Variants in BICDL2 observed in about 807,000 individuals in gnomAD.
The protein encoded by BICDL2 is BICD family like cargo adaptor 2.
Under a neutral mutation model 56.6 loss-of-function variants are expected in BICDL2, and 62 were observed. The ratio of observed to expected loss-of-function variants is 1.10; its 90% confidence interval spans 0.89 to 1.35. The LOEUF (loss-of-function observed/expected upper bound fraction) is 1.35, where lower values mean the gene tolerates loss of function less well. Ranked by LOEUF, BICDL2 falls within the 40% of genes most tolerant of loss-of-function variation. The pLI is 0.00. For missense variants in BICDL2, 808 were observed against 684.5 expected (o/e 1.18, Z -2.01); for synonymous variants, 358 against 319.8 (o/e 1.12, Z -1.27).
chr16:3,028,756 T>C lies in BICDL2; in HGVS notation c.1182A>G (p.Glu394=), dbSNP rs1377174206. The change falls in exon 8 of 10, where the codon GAA becomes GAG. Residue 394 remains glutamate (E), a synonymous_variant. Coordinates refer to ENST00000572449, the MANE Select transcript of BICDL2 (RefSeq NM_001369667.1). The part of the protein sequence containing the change: ...LQRQKELRAQ[E]DPGEALHSAL... ...CACTGTGCAGGGCCTCCCCAGGGTC[T>C]TCCTGCGCCCGCAGCTCCTTCTGCC... is the stretch of plus-strand genomic sequence containing the variant. The C allele has an allele frequency of 3.2e-6, 5 of 1,561,820 alleles. No individual in the cohort carries two copies. The highest frequency in any genetic ancestry group is 4.3e-6 in the Non-Finnish European group (5 of 1,153,168).
chr16:3,028,916 A>T (rs1303988562), intron 7 of BICDL2, 86 bp from the exon 8 acceptor site: 1 of 1,454,126 alleles, frequency 6.9e-7, no homozygotes, highest in African/African-American at 1.4e-5. Flanking sequence ...GGCTCTCCCC[A>T]CCCCTCCTCT....
At chr16:3,033,821 A>G (rs571022563) in intron 2 of BICDL2, among the ~76,000 whole-genome samples, 1 of 152,120 alleles carries the variant, frequency 6.6e-6, no homozygotes, top group African/African-American at 2.4e-5. Context: ...AAAGAGTCCA[A>G]GGAGGTGCAC....
Position 3,029,706 on chromosome 16 carries a change from G to C in BICDL2, c.796C>G (p.Leu266Val). The C allele has an allele frequency of 6.5e-7, 1 of 1,541,136 alleles. No homozygotes were observed. The highest frequency in any genetic ancestry group is 8.7e-7 in the Non-Finnish European group (1 of 1,150,522). ...ERARSEAGEALSALRRLQRRV... is the reference protein window; with the variant it reads ...ERARSEAGEAVSALRRLQRRV... ...CGCTGCAGCCTCCGCAGCGCACTCAGCGCCTCCCCAGCCTCTGACCGTGCG... is the reference window on the plus strand; with the variant it reads ...CGCTGCAGCCTCCGCAGCGCACTCACCGCCTCCCCAGCCTCTGACCGTGCG... The change falls in exon 6 of 10, where the codon CTG (leucine) becomes GTG (valine). Residue 266 changes from leucine to valine, a missense_variant. By Grantham distance (32) the Leu-to-Val change is conservative (BLOSUM62 1). Coordinates refer to ENST00000572449, the MANE Select transcript of BICDL2 (RefSeq NM_001369667.1).
chr16:3,031,894 C>G (rs1005034868), intron 2 of BICDL2: 3 of 214,418 alleles, frequency 1.4e-5, no homozygotes, highest in African/African-American at 6.8e-5. Flanking sequence ...AGTGCCTTGC[C>G]TAAGGACACA....
Position 3,030,970 on chromosome 16 carries a change from C to T in BICDL2, c.463G>A (p.Glu155Lys), listed in dbSNP as rs567686249. ...ERARALSELS[E>K]QNLRLSQQLA... Reference sequence around the variant, plus strand: ...TGCTGGCTGAGCCGGAGGTTCTGCTCGCTGAGCTCGCTGAGGGCCCGTGCC... The same window carrying T: ...TGCTGGCTGAGCCGGAGGTTCTGCTTGCTGAGCTCGCTGAGGGCCCGTGCC... The change falls in exon 3 of 10, where the codon GAG becomes AAG. Residue 155 changes from glutamate (E) to lysine (K), a missense_variant. Glu to Lys is a moderately conservative substitution (Grantham distance 56). Coordinates refer to ENST00000572449, the MANE Select transcript of BICDL2 (RefSeq NM_001369667.1). The T allele has an allele frequency of 9.7e-6, 15 of 1,551,136 alleles. No individual in the cohort carries two copies. In the African/African-American group the frequency reaches 1.1e-4, roughly 11 times the overall value.
At chr16:3,034,591 G>A (rs1448593113) in intron 2 of BICDL2, among the ~76,000 whole-genome samples, 2 of 151,298 alleles carry the variant, frequency 1.3e-5, no homozygotes, top group African/African-American at 4.9e-5. Flanking sequence ...CTGAATCCAG[G>A]TCTTAATCCT....
At position 3,028,347 on chromosome 16, in the gene BICDL2, C is replaced by A; in HGVS notation, c.1359+1G>T. ...CCCCGCACACGGGCCCCGCCCCTCA[C>A]CTGCCAGGCCTCCAGCTCCTGCGTG... is the stretch of plus-strand genomic sequence containing the variant. On this transcript the variant is annotated splice_donor_variant, in intron 9 of 9. Coordinates refer to ENST00000572449, the MANE Select transcript of BICDL2 (RefSeq NM_001369667.1). LOFTEE classifies it high-confidence loss of function. 2 of 1,550,136 alleles carry A rather than the reference C, an allele frequency of 1.3e-6. No homozygotes were observed. Among genetic ancestry groups the A allele is most frequent in the South Asian group, 1.2e-5 (1 of 85,530 alleles).
rs1477799204 is a variant in BICDL2 at position 3,028,361 on chromosome 16, A to G, written c.1346T>C (p.Leu449Pro). 1.9e-6 allele frequency: 3 copies of G among 1,549,694 alleles called. No individual in the cohort carries two copies. Among genetic ancestry groups the G allele is most frequent in the Non-Finnish European group, 2.6e-6 (3 of 1,155,594 alleles). Reference protein sequence around the residue: ...IRQKVALTQELEAWQDDMQVV... With the variant: ...IRQKVALTQEPEAWQDDMQVV... ...CCCGCCCCTCACCTGCCAGGCCTCC[A>G]GCTCCTGCGTGAGCGCCACCTTCTG... Residue 449 changes from leucine (L) to proline (P), a missense_variant, in exon 9 of 10, where the codon CTG becomes CCG. Coordinates refer to ENST00000572449, the MANE Select transcript of BICDL2 (RefSeq NM_001369667.1).
At chr16:3,031,974 C>T (rs1363037349) in intron 2 of BICDL2, 1 of 152,600 alleles carries the variant, frequency 6.6e-6, no homozygotes, top group Non-Finnish European at 1.5e-5. Flanking sequence ...CTCTTTGGCC[C>T]AGGCTAGAGC....
intron 6 of BICDL2, 44 bp downstream of exon 6, chr16:3,029,501 C>G: frequency 2.5e-6 from 4 of 1,569,018 alleles, no homozygotes; most frequent in Non-Finnish European, 3.4e-6. Context: ...GCCTGCAACC[C>G]TCTCGATGGC....
chr16:3,029,056 G>A (rs761990153), intron 7 of BICDL2, among the ~76,000 whole-genome samples: 1 of 152,196 alleles, frequency 6.6e-6, no homozygotes, highest in Non-Finnish European at 1.5e-5. Context: ...CCTGCAGGAG[G>A]GATGCAGGGA....
rs894044930 is a variant in BICDL2 at position 3,035,197 on chromosome 16, C to G, written c.282+18G>C. ...CCCCTGCCCACCCACCCACCCACCC[C>G]GTCCAGTGCTAGCTCACTTCCTCAC... On this transcript the variant is annotated intron_variant, in intron 2 of 9. Coordinates refer to ENST00000572449, the MANE Select transcript of BICDL2 (RefSeq NM_001369667.1). 3.2e-4 allele frequency: 126 copies of G among 388,810 alleles called. No individual in the cohort carries two copies. The highest frequency in any genetic ancestry group is 6.2e-4 in the Non-Finnish European group (120 of 194,218). The allele number at this position is 388,810 out of a possible 1,614,324, so 24.1% of individuals were successfully genotyped here.
intron 2 of BICDL2, among the ~76,000 whole-genome samples, chr16:3,033,169 G>A (rs1465224084): frequency 6.6e-6 from 1 of 152,140 alleles, no homozygotes; most frequent in Admixed American, 6.6e-5. Flanking sequence ...GCTGGGCTTG[G>A]TGGCGCACAC....
intron 2 of BICDL2, among the ~76,000 whole-genome samples, chr16:3,034,040 C>A (rs563259446): frequency 6.6e-6 from 1 of 152,082 alleles, no homozygotes; most frequent in Non-Finnish European, 1.5e-5. Flanking sequence ...CAGATGTGAG[C>A]CCCAGAGCAA....
chr16:3,028,093 C>G lies in BICDL2; in HGVS notation c.*13G>C. 2 of 1,413,706 alleles carry G rather than the reference C, an allele frequency of 1.4e-6. No homozygotes were observed. The highest frequency in any genetic ancestry group is 1.8e-6 in the Non-Finnish European group (2 of 1,087,434). The allele number at this position is 1,413,706 out of a possible 1,614,324, so 87.6% of individuals were successfully genotyped here. A position where few individuals can be genotyped will look rare whatever the true frequency, so the allele number is the denominator to read the frequency against. ...CCCCTAAGTGGGCAAGGGCAGCCCT[C>G]TGGGCCCAGCCGTCAGGTCCTTCGG... is the stretch of plus-strand genomic sequence containing the variant. On this transcript the variant is annotated 3_prime_UTR_variant, in exon 10 of 10. Transcript: ENST00000572449.
At chr16:3,034,062 A>T (rs1464850803) in intron 2 of BICDL2, among the ~76,000 whole-genome samples, 3 of 152,284 alleles carry the variant, frequency 2.0e-5, no homozygotes, top group African/African-American at 7.2e-5. Context: ...AAGTGGGCCA[A>T]AAATAGAACC....
In BICDL2 at chr16:3,028,273, C is replaced by T. The variant is rs760182497; in HGVS notation, c.1360G>A (p.Asp454Asn). ...TGCCCGATCACCACCTGCATGTCGT[C>T]CTGCGGGAGGCCGTGGTCGGCTCAG... ...ALTQELEAWQ[D>N]DMQVVIGQQL... The change falls in exon 10 of 10, where the codon GAC becomes AAC. Residue 454 changes from aspartate to asparagine, a missense_variant and splice_region_variant. Transcript: ENST00000572449. The T allele has an allele frequency of 1.7e-5, 26 of 1,491,636 alleles. No individual in the cohort carries two copies. In the South Asian group the frequency reaches 2.8e-4, roughly 16 times the overall value. The allele number at this position is 1,491,636 out of a possible 1,614,324, so 92.4% of individuals were successfully genotyped here.
intron 1 of BICDL2, 192 bp from the exon 2 acceptor site, chr16:3,035,718 G>A (rs1018118567): frequency 3.4e-6 from 2 of 584,808 alleles, no homozygotes; most frequent in Non-Finnish European, 6.1e-6. Context: ...GAGGCAGGAA[G>A]CAGAAGGAAA....
At chr16:3,035,921 TGGGC>T in intron 1 of BICDL2, 1 of 294,734 alleles carries the variant, frequency 3.4e-6, no homozygotes, top group South Asian at 3.2e-5. Flanking sequence ...CAGTTGGAGT[TGGGC>T]CCAGCCTCTT....
Sources: gnomAD v4.1 joint callset for allele counts (sites outside exome capture counted in the v4.1 genomes callset) on GRCh38, gnomAD v4.1.1 for gene constraint, MANE v1.5 for transcripts, NCBI Gene and HGNC (gene_info 2026-07-23, HGNC 2026-07-21) for gene names.